PRPH2: variants seen among roughly 807,000 people sequenced by gnomAD.
PRPH2 encodes the protein peripherin-2.
In PRPH2, 17 loss-of-function variants were observed where a neutral mutation model predicts 31.3. The observed-to-expected ratio is 0.54, with a 90% confidence interval of 0.37 to 0.81. The LOEUF is 0.81. PRPH2 is among the 40% of genes least tolerant of loss of function. PRPH2 has a pLI of 0.00. For synonymous variants in PRPH2, 165 were observed against 184.4 expected, an observed-to-expected ratio of 0.89 and a Z score of 0.85; for missense variants, 430 against 439.7, an observed-to-expected ratio of 0.98 and a Z score of 0.20.
chr6:42,716,869 C>T (rs926880145), intron 1 of PRPH2, among the ~76,000 whole-genome samples: 11 of 149,682 alleles, frequency 7.3e-5, no homozygotes, highest in African/African-American at 2.7e-4. Context: ...ATCCACCCGC[C>T]TCAGCCTCCC....
At chr6:42,702,019 T>C (rs1800054853) in intron 2 of PRPH2, among the ~76,000 whole-genome samples, 1 of 151,566 alleles carries the variant, frequency 6.6e-6, no homozygotes, top group African/African-American at 2.4e-5. Context: ...GGTTGGGGGA[T>C]CACCTGTGGT....
chr6:42,719,865 G>C (rs1371430779), intron 1 of PRPH2, among the ~76,000 whole-genome samples: 1 of 151,964 alleles, frequency 6.6e-6, no homozygotes, highest in Non-Finnish European at 1.5e-5. Flanking sequence ...TACCGCACCC[G>C]GCCCTAAATT....
intron 1 of PRPH2, chr6:42,712,036 C>A (rs1201670477): frequency 1.5e-5 from 14 of 921,074 alleles, no homozygotes. Context: ...AATGTTCTTG[C>A]CACAACTGAG....
At chr6:42,706,513 G>A (rs1290465562) in intron 1 of PRPH2, among the ~76,000 whole-genome samples, 5 of 151,658 alleles carry the variant, frequency 3.3e-5, no homozygotes, top group Non-Finnish European at 5.9e-5. Flanking sequence ...GCTGAGGCAC[G>A]AGAATCACTT....
Position 42,697,022 on chromosome 6 carries a change from G to T in PRPH2, c.*1273C>A, listed in dbSNP as rs2152003415. 6.6e-6 allele frequency: 1 copy of T among 152,168 alleles called. No homozygotes were observed. Among genetic ancestry groups the T allele is most frequent in the African/African-American group, 2.4e-5 (1 of 41,482 alleles). 9.4% of individuals were successfully genotyped at this position (152,168 alleles called of 1,614,324 possible). ...GTAAGTTATGGACTGTTCCCTTTCT[G>T]GTTTTTGCCTTCTGGCCTCGGTCTC... On this transcript the variant is annotated 3_prime_UTR_variant, in exon 3 of 3. Coordinates refer to ENST00000230381, the MANE Select transcript of PRPH2 (RefSeq NM_000322.5).
At chr6:42,698,688 C>T (rs1713034349) in intron 2 of PRPH2, among the ~76,000 whole-genome samples, 181 bp from the exon 3 acceptor site, 1 of 152,170 alleles carries the variant, frequency 6.6e-6, no homozygotes, top group Admixed American at 6.5e-5. Flanking sequence ...ACACACCTGA[C>T]TCTTCTCCAG....
At position 42,721,801 on chromosome 6, in the gene PRPH2, C is replaced by T; in HGVS notation, c.534G>A (p.Gln178=). The T allele has an allele frequency of 6.2e-7, 1 of 1,614,212 alleles. No homozygotes were observed. Among genetic ancestry groups the T allele is most frequent in the Non-Finnish European group, 8.5e-7 (1 of 1,180,032 alleles). ...AGTCCAGGTAGCGATTGCTGATCCA[C>T]TGAATCTCAAACCAGTCCCGAAAAC... ...NNGFRDWFEI[Q]WISNRYLDFS... Residue 178 remains glutamine (Q), a synonymous_variant, in exon 1 of 3, where the codon CAG becomes CAA. Coordinates refer to ENST00000230381, the MANE Select transcript of PRPH2 (RefSeq NM_000322.5).
chr6:42,709,890 G>A (rs1264466579), intron 1 of PRPH2, among the ~76,000 whole-genome samples: 2 of 152,072 alleles, frequency 1.3e-5, no homozygotes, highest in African/African-American at 2.4e-5. Context: ...CTACCCTCAG[G>A]TACCTACCAG....
At chr6:42,707,955 C>T (rs190208820) in intron 1 of PRPH2, among the ~76,000 whole-genome samples, 3 of 152,338 alleles carry the variant, frequency 2.0e-5, no homozygotes, top group Admixed American at 6.5e-5. Flanking sequence ...CTTAACCTCT[C>T]CCTGCCTCTG....
intron 2 of PRPH2, among the ~76,000 whole-genome samples, chr6:42,699,232 T>C (rs1800006910): frequency 6.6e-6 from 1 of 152,046 alleles, no homozygotes; most frequent in Non-Finnish European, 1.5e-5. Flanking sequence ...TTTGTATTTT[T>C]TTGTTGTTAT....
At chr6:42,709,547 T>C (rs950016831) in intron 1 of PRPH2, among the ~76,000 whole-genome samples, 7 of 152,158 alleles carry the variant, frequency 4.6e-5, no homozygotes, top group African/African-American at 1.7e-4. Flanking sequence ...CTCGATCTTA[T>C]GGCCTAGAGG....
rs389999 is a variant in PRPH2, at chr6:42,698,627, G to C, written c.829-120C>G. On this transcript the variant is annotated intron_variant, in intron 2 of 2. Transcript: ENST00000230381. ...GAGAGGACTCAACCTGAGCACTGTG[G>C]AGTGTGGGTTGGTGACAGCCTGCCC... 1,116,727 of 1,421,908 alleles carry C rather than the reference G, an allele frequency of 0.79. 439,908 individuals carry two copies. Among genetic ancestry groups the C allele is most frequent in the East Asian group, 0.85 (34,637 of 40,776 alleles). The allele number at this position is 1,421,908 out of a possible 1,614,324, so 88.1% of individuals were successfully genotyped here.
In PRPH2 at chr6:42,698,194, C is replaced by T; in HGVS notation, c.*101G>A. 6.6e-7 allele frequency: 1 copy of T among 1,518,710 alleles called. No homozygotes were observed. 94.1% of individuals were successfully genotyped at this position (1,518,710 alleles called of 1,614,324 possible). A position where few individuals can be genotyped will look rare whatever the true frequency, so the allele number is the denominator to read the frequency against. ...GAGAGTCTCTGTAAGATGGTGCCCT[C>T]CTTGGGAGATTCAGACTTTCGGAGT... On this transcript the variant is annotated 3_prime_UTR_variant, in exon 3 of 3. Transcript: ENST00000230381.
rs543703718 is a variant in PRPH2, at chr6:42,721,955, T to C, written c.380A>G (p.Glu127Gly). The change falls in exon 1 of 3, where the codon GAG (glutamate) becomes GGG (glycine). Residue 127 changes from glutamate (E) to glycine (G), a missense_variant. Coordinates refer to ENST00000230381, the MANE Select transcript of PRPH2 (RefSeq NM_000322.5). ...LCCFLLRGSLENTLGQGLKNG... is the reference protein window; with the variant it reads ...LCCFLLRGSLGNTLGQGLKNG... ...CTTGAGCCCTTGGCCCAGGGTGTTC[T>C]CCAGCGAGCCCCGAAGCAGAAAGCA... 295 of 1,614,104 alleles carry C rather than the reference T, an allele frequency of 1.8e-4. 2 individuals are homozygous for C. In the South Asian group the frequency reaches 2.9e-3, roughly 16 times the overall value.
intron 2 of PRPH2, among the ~76,000 whole-genome samples, chr6:42,701,470 G>C (rs990925899): frequency 6.6e-6 from 1 of 151,496 alleles, no homozygotes; most frequent in African/African-American, 2.4e-5. Flanking sequence ...ATGTTGCCTG[G>C]GCTGGTCTAA....
At chr6:42,719,181 T>TTC (rs1400706837) in intron 1 of PRPH2, among the ~76,000 whole-genome samples, 1 of 120,028 alleles carries the variant, frequency 8.3e-6, no homozygotes, top group Non-Finnish European at 1.8e-5. Context: ...TTTTTTTTTT[T>TTC]TCTTTGAGAT....
At chr6:42,706,840 C>T (rs1014897243) in intron 1 of PRPH2, among the ~76,000 whole-genome samples, 7 of 152,156 alleles carry the variant, frequency 4.6e-5, no homozygotes, top group Non-Finnish European at 8.8e-5. Context: ...GCCAGTTCCA[C>T]CAGAGAGAGG....
Position 42,722,386 on chromosome 6 carries a change from A to G in PRPH2, c.-52T>C. 1 of 1,607,162 alleles carries G rather than the reference A, an allele frequency of 6.2e-7. No homozygotes were observed. The highest frequency in any genetic ancestry group is 8.5e-7 in the Non-Finnish European group (1 of 1,179,322). Reference sequence around the variant, plus strand: ...TCCCACAGCACAGCTCCCACCCCAAACCTTAACGAGCCCAGAGGCGGAGAC... The same window carrying G: ...TCCCACAGCACAGCTCCCACCCCAAGCCTTAACGAGCCCAGAGGCGGAGAC... On this transcript the variant is annotated 5_prime_UTR_variant, in exon 1 of 3. Transcript: ENST00000230381. This position sits in a 1 kb window ranked among gnomAD's most constrained non-coding sequence, Gnocchi z 4.4.
Position 42,698,162 on chromosome 6 carries a change from C to T in PRPH2, c.*133G>A, listed in dbSNP as rs1484700481. ...TAGGGACCCTAAACTTAAATTCCACCGTCAGGGAGAGTCTCTGTAAGATGG... is the reference window on the plus strand; with the variant it reads ...TAGGGACCCTAAACTTAAATTCCACTGTCAGGGAGAGTCTCTGTAAGATGG... On this transcript the variant is annotated 3_prime_UTR_variant, in exon 3 of 3. Coordinates refer to ENST00000230381, the MANE Select transcript of PRPH2 (RefSeq NM_000322.5). 6 of 1,244,546 alleles carry T rather than the reference C, an allele frequency of 4.8e-6. No individual in the cohort carries two copies. Among genetic ancestry groups the T allele is most frequent in the Non-Finnish European group, 6.7e-6 (6 of 894,052 alleles). 77.1% of individuals were successfully genotyped at this position (1,244,546 alleles called of 1,614,324 possible). A position where few individuals can be genotyped will look rare whatever the true frequency, so the allele number is the denominator to read the frequency against.
Sources: allele counts gnomAD v4.1 joint callset (sites outside exome capture counted in the v4.1 genomes callset), GRCh38; gene constraint gnomAD v4.1.1; non-coding constraint Gnocchi (gnomAD v3.1); transcripts MANE v1.5; gene names NCBI Gene and HGNC (gene_info 2026-07-23, HGNC 2026-07-21).